Variants in PBX1 observed in about 807,000 individuals in gnomAD.
PBX1 encodes PBX homeobox 1, also known as pre-B-cell leukemia transcription factor 1.
A neutral mutation model predicts 53.4 loss-of-function variants in PBX1; 6 were observed. The ratio of observed to expected loss-of-function variants is 0.11; its 90% CI spans 0.06 to 0.22. The LOEUF (loss-of-function observed/expected upper bound fraction) is 0.22. Ranked by LOEUF, PBX1 falls within the 10% of genes least tolerant of loss-of-function variation. The pLI is 1.00. For synonymous variants in PBX1, 204 were observed against 212.3 expected (o/e 0.96, Z 0.34); for missense variants, 251 against 551.4 (o/e 0.46, Z 5.46).
At chr1:164,643,915 C>T (rs569601785) in intron 2 of PBX1, among the ~76,000 whole-genome samples, 6 of 152,296 alleles carry the variant, frequency 3.9e-5, no homozygotes, top group African/African-American at 1.4e-4. Flanking sequence ...CTGAGAATCC[C>T]TGATAACCAT....
intron 2 of PBX1, among the ~76,000 whole-genome samples, chr1:164,646,393 C>T (rs1383378302): frequency 6.6e-6 from 1 of 152,170 alleles, no homozygotes; most frequent in Non-Finnish European, 1.5e-5. Flanking sequence ...GAAAGCTTGT[C>T]ATTGACAGCC....
intron 2 of PBX1, among the ~76,000 whole-genome samples, chr1:164,669,432 G>T (rs770442511): frequency 1.3e-5 from 2 of 152,174 alleles, no homozygotes; most frequent in Non-Finnish European, 2.9e-5. Context: ...ATCCACAGAG[G>T]ACATGGGGTG....
intron 2 of PBX1, among the ~76,000 whole-genome samples, chr1:164,654,687 C>A (rs990117709): frequency 7.2e-5 from 11 of 152,306 alleles, no homozygotes; most frequent in African/African-American, 2.6e-4. Context: ...CTTTCTTCTC[C>A]ATTCCCACAC....
rs559656333 is a variant in PBX1 at position 164,752,165 on chromosome 1, T to C, written c.266-40329T>C. On this transcript the variant is annotated intron_variant, in intron 2 of 8. Transcript: ENST00000420696. ...CTACCAAGAAACAAACAAGCGGAGA[T>C]GTCAAACAGTTAATGTGTCCATTTA... is the stretch of plus-strand genomic sequence containing the variant. 3.3e-5 allele frequency among the ~76,000 whole-genome samples: 5 copies of C among 151,578 alleles called. No homozygotes were observed. The South Asian group carries it at 8.3e-4, about 25-fold the overall frequency.
At position 164,849,470 on chromosome 1, in the gene PBX1, C is replaced by T; in HGVS notation, c.*2794C>T. 6.5e-7 allele frequency: 1 copy of T among 1,533,148 alleles called. No individual in the cohort carries two copies. The highest frequency in any genetic ancestry group is 8.7e-7 in the Non-Finnish European group (1 of 1,145,012). 95.0% of individuals were successfully genotyped at this position (1,533,148 alleles called of 1,614,324 possible). A position where few individuals can be genotyped will look rare whatever the true frequency, so the allele number is the denominator to read the frequency against. ...CAGGATGGGTTTGGAAAGAGCATGCCTCTGGAAACACAGCTTCCTGGGAAT... is the reference window on the plus strand; with the variant it reads ...CAGGATGGGTTTGGAAAGAGCATGCTTCTGGAAACACAGCTTCCTGGGAAT... On this transcript the variant is annotated 3_prime_UTR_variant, in exon 9 of 9. Coordinates refer to ENST00000420696, the MANE Select transcript of PBX1 (RefSeq NM_002585.4).
At chr1:164,781,096 G>T (rs1174321669) in intron 2 of PBX1, among the ~76,000 whole-genome samples, 1 of 152,164 alleles carries the variant, frequency 6.6e-6, no homozygotes, top group African/African-American at 2.4e-5. Context: ...TGTAATGAGT[G>T]GTGATGGATC....
rs1662137187 is a variant in PBX1 at position 164,686,961 on chromosome 1, A to C, written c.266-105533A>C. On this transcript the variant is annotated intron_variant, in intron 2 of 8. Transcript: ENST00000420696. ...GACAGAGCGAGACTGCATCCCAAAA[A>C]AAAAACCAAAAAAACGAAAACAAAA... is the stretch of plus-strand genomic sequence containing the variant. Among the ~76,000 whole-genome samples, 6 of 152,034 alleles carry C rather than the reference A, an allele frequency of 3.9e-5. No individual in the cohort carries two copies. In the South Asian group the frequency reaches 1.2e-3, roughly 32 times the overall value.
rs187599436 is a variant in PBX1, at chr1:164,579,038, C to G, written c.265+15727C>G. The stretch of plus-strand genomic sequence containing the variant: ...CGTGGGATGGCTGAAATTTACCACC[C>G]GCTGAATAGGCATTCTGTGACATTT... On this transcript the variant is annotated intron_variant, in intron 2 of 8. Transcript: ENST00000420696. Among the ~76,000 whole-genome samples the G allele has an allele frequency of 1.7e-3, 257 of 152,012 alleles. 1 individual carries two copies. The highest frequency in any genetic ancestry group is 5.9e-3 in the African/African-American group (244 of 41,446).
intron 1 of PBX1, chr1:164,560,442 C>T (rs961401117): frequency 5.4e-6 from 2 of 368,292 alleles, no homozygotes; most frequent in East Asian, 4.0e-5. Flanking sequence ...ATAAAATGTC[C>T]CAAGAACACT....
In PBX1 at chr1:164,560,417, CTG is replaced by C. The variant is rs1251274081; in HGVS notation, c.191+406_191+407del. 28 of 390,050 alleles carry C rather than the reference CTG, an allele frequency of 7.2e-5. No homozygotes were observed. The Admixed American group carries it at 8.4e-4, about 12-fold the overall frequency. The allele number at this position is 390,050 out of a possible 1,614,324, so 24.2% of individuals were successfully genotyped here. A position where few individuals can be genotyped will look rare whatever the true frequency, so the allele number is the denominator to read the frequency against. On this transcript the variant is annotated intron_variant, in intron 1 of 8. Transcript: ENST00000420696. Reference sequence around the variant, plus strand: ...TCCATGCCTTCTTGTTGAGGGGACTCTGTAACATTACGAAATAAAATGTCCCA... The same window carrying C: ...TCCATGCCTTCTTGTTGAGGGGACTCTAACATTACGAAATAAAATGTCCCA...
At chr1:164,744,865 T>C (rs1665811591) in intron 2 of PBX1, among the ~76,000 whole-genome samples, 1 of 151,942 alleles carries the variant, frequency 6.6e-6, no homozygotes, top group African/African-American at 2.4e-5. Context: ...TCATCTTATC[T>C]AAGAAGACAG....
chr1:164,790,053 CATAGAG>C (rs1359213833), intron 2 of PBX1, among the ~76,000 whole-genome samples: 1 of 151,612 alleles, frequency 6.6e-6, no homozygotes, highest in Non-Finnish European at 1.5e-5. Flanking sequence ...GAAACAACCA[CATAGAG>C]GTGAAGGAGA....
downstream of PBX1, among the ~76,000 whole-genome samples, chr1:164,852,076 T>C (rs1309737983): frequency 6.6e-6 from 1 of 152,168 alleles, no homozygotes; most frequent in Non-Finnish European, 1.5e-5. Flanking sequence ...CACCCCATCT[T>C]GTCTGCTTGC....
intron 6 of PBX1, chr1:164,817,129 A>G (rs10918074): frequency 0.2 from 30,116 of 152,098 alleles, 3,171 homozygotes; most frequent in South Asian, 0.26. Context: ...CTTTTAACTG[A>G]CAACCACATC....
intron 2 of PBX1, among the ~76,000 whole-genome samples, chr1:164,637,270 G>A (rs4657366): frequency 0.072 from 11,000 of 152,198 alleles, 493 homozygotes; most frequent in East Asian, 0.14. Flanking sequence ...TCCCTGATAG[G>A]CAGAGCCGAA....
chr1:164,822,255 C>CA, intron 8 of PBX1, among the ~76,000 whole-genome samples: 1 of 151,014 alleles, frequency 6.6e-6, no homozygotes, highest in Non-Finnish European at 1.5e-5. Context: ...GACAGCAATC[C>CA]AACTTGATTT....
At chr1:164,769,957 T>C (rs1667280424) in intron 2 of PBX1, 1 of 152,154 alleles carries the variant, frequency 6.6e-6, no homozygotes, top group Non-Finnish European at 1.5e-5. Flanking sequence ...GAATTCCTGG[T>C]GTAAGCCCAG....
At chr1:164,864,031 G>C (rs1672159130) in intron 2 of PBX1, among the ~76,000 whole-genome samples, 1 of 152,160 alleles carries the variant, frequency 6.6e-6, no homozygotes, top group Non-Finnish European at 1.5e-5. Flanking sequence ...CTTCCCTCGT[G>C]AGCTCAGTCT....
intron 2 of PBX1, among the ~76,000 whole-genome samples, chr1:164,774,909 C>T (rs774781410): frequency 6.6e-6 from 1 of 152,192 alleles, no homozygotes; most frequent in Admixed American, 6.5e-5. Flanking sequence ...TTACACTTCA[C>T]GGCTGTAATT....
Sources: gnomAD v4.1 joint callset for allele counts (sites outside exome capture counted in the v4.1 genomes callset) on GRCh38, gnomAD v4.1.1 for gene constraint, MANE v1.5 for transcripts, NCBI Gene and HGNC (gene_info 2026-07-23, HGNC 2026-07-21) for gene names.